Variants in PCED1B observed in about 807,000 individuals in gnomAD.
The protein encoded by PCED1B is PC-esterase domain-containing protein 1B.
For missense variants in PCED1B, 573 were observed against 573.9 expected (o/e 1.00, Z 0.02); for synonymous variants, 251 against 246.1 (o/e 1.02, Z -0.19).
At chr12:47,198,512 C>A (rs1029374745) in intron 2 of PCED1B, among the ~76,000 whole-genome samples, 1 of 152,062 alleles carries the variant, frequency 6.6e-6, no homozygotes, top group South Asian at 2.1e-4. Context: ...GGTGTCCCCT[C>A]CCTCTCACTA....
chr12:47,089,494 G>GTATATATATATATATATATATATA (rs1565740171), intron 1 of PCED1B, among the ~76,000 whole-genome samples: 1 of 45,988 alleles, frequency 2.2e-5, no homozygotes, highest in Non-Finnish European at 4.0e-5. Flanking sequence ...ATATATATAT[G>GTATATATATATATATATATATATA]TATATACCAA....
At chr12:47,158,225 A>G (rs1315422816) in intron 2 of PCED1B, among the ~76,000 whole-genome samples, 1 of 152,202 alleles carries the variant, frequency 6.6e-6, no homozygotes, top group African/African-American at 2.4e-5. Flanking sequence ...ACTGTTTTCC[A>G]CAGCAACCAT....
chr12:47,138,626 G>T (rs1940476075), intron 2 of PCED1B, among the ~76,000 whole-genome samples: 1 of 152,026 alleles, frequency 6.6e-6, no homozygotes, highest in Non-Finnish European at 1.5e-5. Flanking sequence ...AAACTCTATG[G>T]TGCCTCATTG....
intron 3 of PCED1B, among the ~76,000 whole-genome samples, chr12:47,233,408 G>A (rs866655441): frequency 6.6e-6 from 1 of 152,228 alleles, no homozygotes; most frequent in African/African-American, 2.4e-5. Context: ...AAAGTGCTGG[G>A]ATTACAGGCG....
chr12:47,122,995 G>A (rs569434640), intron 2 of PCED1B, among the ~76,000 whole-genome samples: 5 of 152,248 alleles, frequency 3.3e-5, no homozygotes, highest in Admixed American at 1.3e-4. Context: ...CATGGGAAGC[G>A]TACCATAGGG....
At chr12:47,156,097 A>G (rs1941183481) in intron 2 of PCED1B, among the ~76,000 whole-genome samples, 1 of 152,236 alleles carries the variant, frequency 6.6e-6, no homozygotes, top group African/African-American at 2.4e-5. Flanking sequence ...TAGGGCTTCA[A>G]GTTCTTAAAG....
chr12:47,126,936 T>C (rs1939911855), intron 2 of PCED1B, among the ~76,000 whole-genome samples: 1 of 152,206 alleles, frequency 6.6e-6, no homozygotes, highest in African/African-American at 2.4e-5. Context: ...ATGTAGTTGA[T>C]TTTTCTCAAA....
intron 3 of PCED1B, among the ~76,000 whole-genome samples, chr12:47,233,128 A>T (rs1231212452): frequency 6.6e-6 from 1 of 152,030 alleles, no homozygotes; most frequent in East Asian, 1.9e-4. Context: ...CTGGTCTCGA[A>T]CTCCTGAGCT....
chr12:47,136,935 G>A (rs1940397913), intron 2 of PCED1B, among the ~76,000 whole-genome samples: 1 of 152,096 alleles, frequency 6.6e-6, no homozygotes. Flanking sequence ...ACGTAACCTT[G>A]GGTAACTCCC....
intron 2 of PCED1B, among the ~76,000 whole-genome samples, chr12:47,124,531 A>G (rs60255733): frequency 0.084 from 12,474 of 149,218 alleles, 839 homozygotes; most frequent in African/African-American, 0.19. Context: ...TTTGTATACA[A>G]TTGAGTTTAC....
In PCED1B at chr12:47,089,461, CATAT is replaced by C. The variant is rs1217283440; in HGVS notation, c.-609+9765_-609+9768del. On this transcript the variant is annotated intron_variant, in intron 1 of 3. Coordinates refer to ENST00000546455, the MANE Select transcript of PCED1B (RefSeq NM_138371.3). The stretch of plus-strand genomic sequence containing the variant: ...GACTCCATCTCAAAAAAAAAAAATA[CATAT>C]ATATATATATATATATATATATATA... 5.7e-3 allele frequency among the ~76,000 whole-genome samples: 361 copies of C among 63,392 alleles called. 11 individuals are homozygous for C. Among genetic ancestry groups the C allele is most frequent in the Non-Finnish European group, 6.5e-3 (224 of 34,440 alleles). 41.6% of individuals were successfully genotyped at this position (63,392 alleles called of 152,430 possible).
chr12:47,214,408 G>A (rs1245961014), intron 2 of PCED1B, among the ~76,000 whole-genome samples: 1 of 152,108 alleles, frequency 6.6e-6, no homozygotes, highest in Non-Finnish European at 1.5e-5. Context: ...ACTCTTGTTG[G>A]TTAGTTATTT....
At chr12:47,192,552 T>C (rs1440021511) in intron 2 of PCED1B, among the ~76,000 whole-genome samples, 2 of 152,120 alleles carry the variant, frequency 1.3e-5, no homozygotes, top group African/African-American at 4.8e-5. Context: ...TAATCTTCAG[T>C]GGAAAAAGTG....
intron 1 of PCED1B, among the ~76,000 whole-genome samples, chr12:47,101,338 A>T (rs563469648): frequency 6.6e-6 from 1 of 152,284 alleles, no homozygotes; most frequent in East Asian, 1.9e-4. Context: ...AGTCACTGTG[A>T]TACCACCAGT....
At chr12:47,101,212 T>G (rs1319010529) in intron 1 of PCED1B, among the ~76,000 whole-genome samples, 1 of 152,180 alleles carries the variant, frequency 6.6e-6, no homozygotes, top group Non-Finnish European at 1.5e-5. Flanking sequence ...ATTATTATTA[T>G]CTATACCAGA....
chr12:47,134,343 C>T (rs1426495169), intron 2 of PCED1B, among the ~76,000 whole-genome samples: 1 of 152,006 alleles, frequency 6.6e-6, no homozygotes, highest in Non-Finnish European at 1.5e-5. Context: ...TCTTTTCTTC[C>T]TTTTGTCCTT....
chr12:47,227,458 C>A lies in PCED1B; in HGVS notation c.-57-7549C>A, dbSNP rs147331980. 1.5e-3 allele frequency among the ~76,000 whole-genome samples: 228 copies of A among 152,198 alleles called. 1 individual carries two copies. The highest frequency in any genetic ancestry group is 9.6e-3 in the South Asian group (46 of 4,812). ...AAAGTGCTGGGCTTACAGGCGAGAG[C>A]CACCGTGCCCGGCCCCATTTCGGGT... is the stretch of plus-strand genomic sequence containing the variant. On this transcript the variant is annotated intron_variant, in intron 3 of 3. Transcript: ENST00000546455.
intron 2 of PCED1B, chr12:47,135,714 A>T: frequency 1.9e-6 from 1 of 531,578 alleles, no homozygotes; most frequent in Non-Finnish European, 3.8e-6. Context: ...GAGGGTGTTG[A>T]ATAGGGACCA....
chr12:47,169,900 T>C (rs1284974074), intron 2 of PCED1B, among the ~76,000 whole-genome samples: 3 of 131,954 alleles, frequency 2.3e-5, no homozygotes, highest in Non-Finnish European at 4.9e-5. Context: ...TACTCATCTT[T>C]TTTTTTTTTT....
Sources: allele counts gnomAD v4.1 joint callset (sites outside exome capture counted in the v4.1 genomes callset), GRCh38; gene constraint gnomAD v4.1.1; transcripts MANE v1.5; gene names NCBI Gene and HGNC (gene_info 2026-07-23, HGNC 2026-07-21).